Variants in ABLIM1 observed in about 807,000 individuals in gnomAD.
ABLIM1 encodes actin binding LIM protein 1, also known as actin-binding LIM protein 1.
In ABLIM1, 40 loss-of-function variants were observed where a neutral mutation model predicts 107.0. The observed-to-expected ratio is 0.37, with a 90% CI of 0.29 to 0.49. The LOEUF (loss-of-function observed/expected upper bound fraction) is 0.49. ABLIM1 is among the 20% of genes least tolerant of loss of function. ABLIM1 has a pLI of 0.97. For missense variants in ABLIM1, 857 were observed against 1,008.5 expected (o/e 0.85, Z 2.04); for synonymous variants, 357 against 357.3 (o/e 1.00, Z 0.01).
At chr10:114,648,285 A>G (rs2079090423) in intron 1 of ABLIM1, among the ~76,000 whole-genome samples, 1 of 152,232 alleles carries the variant, frequency 6.6e-6, no homozygotes, top group Non-Finnish European at 1.5e-5. Context: ...ACAAATGACC[A>G]TCGGCTGACG....
chr10:114,676,801 T>C (rs1167173154), intron 1 of ABLIM1, among the ~76,000 whole-genome samples: 1 of 152,142 alleles, frequency 6.6e-6, no homozygotes, highest in African/African-American at 2.4e-5. Context: ...AGTGGCATGA[T>C]CTCGACTCAC....
At chr10:114,725,735 ATGTGTGTGTGTGTGTG>A (rs3981295) in intron 1 of ABLIM1, among the ~76,000 whole-genome samples, 4 of 142,266 alleles carry the variant, frequency 2.8e-5, no homozygotes, top group African/African-American at 7.8e-5. Context: ...TATATATAAA[ATGTGTGTGTGTGTGTG>A]TGTGTGTGTG....
chr10:114,791,569 G>C, the ABLIM1 span, among the ~76,000 whole-genome samples: 3 of 151,482 alleles, frequency 2.0e-5, no homozygotes, highest in Non-Finnish European at 4.4e-5. Flanking sequence ...ACCTGGGAGG[G>C]GGAGCTTGCA....
chr10:114,761,266 C>CAA (rs60010820), intron 1 of ABLIM1, among the ~76,000 whole-genome samples: 4,765 of 146,080 alleles, frequency 0.033, 76 homozygotes, highest in African/African-American at 0.047. Context: ...AAGAAATCGG[C>CAA]AAAAAAAAAA....
upstream of ABLIM1, among the ~76,000 whole-genome samples, chr10:114,688,598 C>T (rs955854984): frequency 6.6e-6 from 1 of 152,116 alleles, no homozygotes; most frequent in African/African-American, 2.4e-5. Context: ...TCTTATAACC[C>T]TCTAGGACAG....
the ABLIM1 span, among the ~76,000 whole-genome samples, chr10:114,801,315 T>C: frequency 2.0e-5 from 3 of 152,104 alleles, no homozygotes; most frequent in African/African-American, 7.2e-5. Context: ...ATGTATTAAA[T>C]GGAAGTGGAT....
intron 6 of ABLIM1, among the ~76,000 whole-genome samples, chr10:114,541,935 GACAC>G (rs368305169): frequency 2.0e-5 from 3 of 150,664 alleles, no homozygotes; most frequent in Non-Finnish European, 3.0e-5. Context: ...CACACACTCA[GACAC>G]ACACACACAC....
chr10:114,457,459 G>A (rs1276980575), intron 12 of ABLIM1, among the ~76,000 whole-genome samples: 2 of 151,964 alleles, frequency 1.3e-5, no homozygotes, highest in African/African-American at 4.8e-5. Context: ...TAGTAGAGAC[G>A]GGGTTTCATC....
intron 15 of ABLIM1, among the ~76,000 whole-genome samples, chr10:114,446,108 CATACCAACAG>C (rs1382782476): frequency 6.6e-6 from 1 of 152,240 alleles, no homozygotes; most frequent in Non-Finnish European, 1.5e-5. Context: ...AATTTATCTA[CATACCAACAG>C]ATAGGTAAGA....
chr10:114,462,256 C>A (rs1301942722), intron 12 of ABLIM1, among the ~76,000 whole-genome samples: 1 of 152,130 alleles, frequency 6.6e-6, no homozygotes, highest in Non-Finnish European at 1.5e-5. Flanking sequence ...CTCCTCCTTC[C>A]TCCTTCAGCT....
chr10:114,782,755 T>C, the ABLIM1 span, among the ~76,000 whole-genome samples: 2 of 152,060 alleles, frequency 1.3e-5, no homozygotes, highest in Non-Finnish European at 2.9e-5. Context: ...TTACAGTAAT[T>C]GGGCTGAAAG....
At chr10:114,504,209 A>G (rs968065921) in intron 6 of ABLIM1, among the ~76,000 whole-genome samples, 1 of 152,102 alleles carries the variant, frequency 6.6e-6, no homozygotes, top group East Asian at 1.9e-4. Flanking sequence ...TGTTAACAAT[A>G]CCCTTTGTAC....
rs533916282 is a variant in ABLIM1, at chr10:114,580,145, A to G, written c.380-4546T>C. Among the ~76,000 whole-genome samples, 3 of 150,762 alleles carry G rather than the reference A, an allele frequency of 2.0e-5. No homozygotes were observed. The East Asian group carries it at 5.8e-4, about 29-fold the overall frequency. On this transcript the variant is annotated intron_variant, in intron 2 of 22. Transcript: ENST00000533213. ...CATCTAGCCCAGCCATCTTATTCTGACATTCCTTTTTGAATGCCTTTATAA... is the reference window on the plus strand; with the variant it reads ...CATCTAGCCCAGCCATCTTATTCTGGCATTCCTTTTTGAATGCCTTTATAA...
At chr10:114,638,674 T>C in intron 1 of ABLIM1, among the ~76,000 whole-genome samples, 1 of 149,882 alleles carries the variant, frequency 6.7e-6, no homozygotes, top group African/African-American at 2.5e-5. Flanking sequence ...CACACAAGCA[T>C]TTCTGTAGGC....
rs2058433143 is a variant in ABLIM1 at position 114,488,016 on chromosome 10, C to T, written c.983G>A (p.Gly328Asp). 6.2e-7 allele frequency: 1 copy of T among 1,613,992 alleles called. No individual in the cohort carries two copies. Among genetic ancestry groups the T allele is most frequent in the Non-Finnish European group, 8.5e-7 (1 of 1,180,004 alleles). Reference sequence around the variant, plus strand: ...ACAGTCGGGATGCCAAACGGTGGAGCCTGAGAAGACAGAATGCACTACTAA... The same window carrying T: ...ACAGTCGGGATGCCAAACGGTGGAGTCTGAGAAGACAGAATGCACTACTAA... ...FTEGEEMYLQ[G>D]STVWHPDCKQ... is the part of the protein sequence containing the mutation. The change falls in exon 8 of 23, where the codon GGC becomes GAC. Residue 328 changes from glycine (G) to aspartate (D), a missense_variant and splice_region_variant. Physicochemically the swap from Gly to Asp is moderately conservative, Grantham distance 94. Transcript: ENST00000533213.
chr10:114,580,845 A>G (rs2073278673), intron 2 of ABLIM1, among the ~76,000 whole-genome samples: 1 of 152,232 alleles, frequency 6.6e-6, no homozygotes, highest in Non-Finnish European at 1.5e-5. Context: ...TTAGATTTTT[A>G]CTTTGGGTGC....
Position 114,658,226 on chromosome 10 carries a change from G to A in ABLIM1, c.-26C>T. 4 of 1,588,336 alleles carry A rather than the reference G, an allele frequency of 2.5e-6. No individual in the cohort carries two copies. Among genetic ancestry groups the A allele is most frequent in the South Asian group, 1.1e-5 (1 of 87,644 alleles). On this transcript the variant is annotated 5_prime_UTR_variant, in exon 1 of 23. Coordinates refer to ENST00000533213, the MANE Select transcript of ABLIM1 (RefSeq NM_002313.7). ...CTTGGCATGGATTTCCAAGCAATGA[G>A]AAATGGGGAGTGGGGACCCAAGGAG... is the stretch of plus-strand genomic sequence containing the variant.
rs761048658 is a variant in ABLIM1 at position 114,441,002 on chromosome 10, C to T, written c.2059+15G>A. On this transcript the variant is annotated intron_variant, in intron 19 of 22. Transcript: ENST00000533213. ...GAAGACGTGGCCATGCTCAGCCTGG[C>T]CATGGGAGCCTCACCTCGCACTCCC... 2 of 1,580,786 alleles carry T rather than the reference C, an allele frequency of 1.3e-6. No individual in the cohort carries two copies. Among genetic ancestry groups the T allele is most frequent in the Non-Finnish European group, 1.7e-6 (2 of 1,161,874 alleles).
chr10:114,578,547 C>G (rs1470729718), intron 2 of ABLIM1, among the ~76,000 whole-genome samples: 2 of 151,844 alleles, frequency 1.3e-5, no homozygotes, highest in Non-Finnish European at 2.9e-5. Context: ...GCTGGGATTA[C>G]AGGCATGTGC....
Sources: gnomAD v4.1 joint callset for allele counts (sites outside exome capture counted in the v4.1 genomes callset) on GRCh38, gnomAD v4.1.1 for gene constraint, MANE v1.5 for transcripts, NCBI Gene and HGNC (gene_info 2026-07-23, HGNC 2026-07-21) for gene names.